CSGALNACT1: variants seen among roughly 807,000 people sequenced by gnomAD.
The protein encoded by CSGALNACT1 is beta4GalNAcT-1.
A neutral mutation model predicts 51.0 loss-of-function variants in CSGALNACT1; 52 were observed. The observed-to-expected ratio is 1.02, with a 90% CI of 0.82 to 1.29. The LOEUF (loss-of-function observed/expected upper bound fraction) is 1.29, where lower values mean the gene tolerates loss of function less well. Among genes scored for constraint, CSGALNACT1 ranks in the 50% most tolerant of loss-of-function variants. CSGALNACT1 has a pLI of 0.00. For synonymous variants in CSGALNACT1, 341 were observed against 254.4 expected (o/e 1.34, Z -3.24); for missense variants, 935 against 679.2 (o/e 1.38, Z -4.19).
At chr8:19,649,816 T>C (rs2057617378) in intron 1 of CSGALNACT1, among the ~76,000 whole-genome samples, 2 of 2,358 alleles carry the variant, frequency 8.5e-4, no homozygotes, top group Admixed American at 9.6e-3. Flanking sequence ...GCATTCCAAG[T>C]AGCAAAAAAA....
intron 1 of CSGALNACT1, among the ~76,000 whole-genome samples, chr8:19,637,810 C>T (rs553889529): frequency 5.3e-5 from 8 of 149,700 alleles, no homozygotes; most frequent in African/African-American, 7.4e-5. Flanking sequence ...ACTCGTTGTA[C>T]GAGAATGTTC....
chr8:19,756,084 C>T (rs1158062786), intron 1 of CSGALNACT1, among the ~76,000 whole-genome samples: 1 of 152,100 alleles, frequency 6.6e-6, no homozygotes, highest in African/African-American at 2.4e-5. Context: ...TTTGAAGGAC[C>T]TTTCTCCCTC....
intron 4 of CSGALNACT1, among the ~76,000 whole-genome samples, chr8:19,471,059 G>A (rs1039422058): frequency 1.3e-5 from 2 of 151,830 alleles, no homozygotes; most frequent in Non-Finnish European, 2.9e-5. Flanking sequence ...TCACACCACT[G>A]CACTCCAGCC....
At chr8:19,554,771 A>C (rs11780717) in intron 3 of CSGALNACT1, among the ~76,000 whole-genome samples, 3 of 152,098 alleles carry the variant, frequency 2.0e-5, no homozygotes, top group East Asian at 3.9e-4. Context: ...TACAAAAATT[A>C]GCTGGGTGTG....
At chr8:19,516,870 A>T (rs1440805034) in intron 3 of CSGALNACT1, among the ~76,000 whole-genome samples, 2 of 152,166 alleles carry the variant, frequency 1.3e-5, no homozygotes, top group African/African-American at 2.4e-5. Flanking sequence ...CGGCCACGGC[A>T]GTCTCAGTGG....
At chr8:19,592,379 T>C (rs1221428852) in intron 2 of CSGALNACT1, among the ~76,000 whole-genome samples, 1 of 152,206 alleles carries the variant, frequency 6.6e-6, no homozygotes, top group Non-Finnish European at 1.5e-5. Flanking sequence ...TATTCTCAAA[T>C]GGTTCAGATA....
intron 6 of CSGALNACT1, among the ~76,000 whole-genome samples, chr8:19,435,442 G>A (rs576092667): frequency 2.7e-5 from 4 of 150,598 alleles, no homozygotes; most frequent in African/African-American, 9.8e-5. Context: ...GCAGGGAGCC[G>A]AGACTGTGCC....
At chr8:19,409,700 C>G (rs756529064) in intron 8 of CSGALNACT1, among the ~76,000 whole-genome samples, 8 of 152,138 alleles carry the variant, frequency 5.3e-5, no homozygotes, top group Non-Finnish European at 1.0e-4. Flanking sequence ...CAGCAGGTTC[C>G]TCTTTCCCCA....
chr8:19,657,195 G>A (rs957171982), intron 1 of CSGALNACT1, among the ~76,000 whole-genome samples: 2 of 149,426 alleles, frequency 1.3e-5, no homozygotes, highest in Non-Finnish European at 3.0e-5. Flanking sequence ...TAGAGCTGTA[G>A]AAATCCAGAA....
intron 1 of CSGALNACT1, among the ~76,000 whole-genome samples, chr8:19,743,253 T>C (rs6586862): frequency 0.17 from 25,262 of 152,026 alleles, 2,225 homozygotes; most frequent in Middle Eastern, 0.3. Context: ...ACATGAAACG[T>C]ATGGAGTGGA....
At chr8:19,547,365 A>G (rs1016491449) in intron 3 of CSGALNACT1, among the ~76,000 whole-genome samples, 1 of 152,146 alleles carries the variant, frequency 6.6e-6, no homozygotes, top group Non-Finnish European at 1.5e-5. Context: ...TCCTCACTCA[A>G]TTCTCATCTT....
chr8:19,660,374 C>A (rs1036844377), intron 1 of CSGALNACT1, among the ~76,000 whole-genome samples: 1 of 152,192 alleles, frequency 6.6e-6, no homozygotes, highest in African/African-American at 2.4e-5. Context: ...GCCTTAATTT[C>A]TTCATCTGTA....
intron 3 of CSGALNACT1, among the ~76,000 whole-genome samples, chr8:19,583,849 A>G (rs1381303670): frequency 6.6e-6 from 1 of 152,190 alleles, no homozygotes; most frequent in Non-Finnish European, 1.5e-5. Flanking sequence ...TAATATTTCA[A>G]ATGCTTCCCA....
In CSGALNACT1 at chr8:19,418,651, C is replaced by G; in HGVS notation, c.1227+5G>C. 1 of 1,596,740 alleles carries G rather than the reference C, an allele frequency of 6.3e-7. No homozygotes were observed. The highest frequency in any genetic ancestry group is 1.1e-5 in the South Asian group (1 of 90,726). On this transcript the variant is annotated splice_donor_5th_base_variant and intron_variant, in intron 8 of 9. Transcript: ENST00000454498. ...CACAGAGCCATCTGCAGGGTAATTA[C>G]TCACCAGCTGCTGTTCCAAGGGAGG...
chr8:19,533,432 C>T (rs1295232138), intron 3 of CSGALNACT1, among the ~76,000 whole-genome samples: 1 of 151,894 alleles, frequency 6.6e-6, no homozygotes, highest in African/African-American at 2.4e-5. Flanking sequence ...TTTAATTTAT[C>T]CTAATTTAAT....
At chr8:19,475,308 T>G (rs565995682) in intron 4 of CSGALNACT1, among the ~76,000 whole-genome samples, 21 of 152,326 alleles carry the variant, frequency 1.4e-4, no homozygotes, top group African/African-American at 5.1e-4. Flanking sequence ...GAAGGCAGCC[T>G]GTGAGTCACA....
chr8:19,596,032 T>G (rs1439746795), intron 2 of CSGALNACT1, among the ~76,000 whole-genome samples: 2 of 151,994 alleles, frequency 1.3e-5, no homozygotes, highest in Non-Finnish European at 2.9e-5. Flanking sequence ...CCGAGCTAAT[T>G]TTTAAAAATA....
chr8:19,538,554 G>C (rs1420352013), intron 3 of CSGALNACT1, among the ~76,000 whole-genome samples: 1 of 152,130 alleles, frequency 6.6e-6, no homozygotes, highest in Non-Finnish European at 1.5e-5. Context: ...TAAAGGACTG[G>C]GTAATTTGCA....
intron 1 of CSGALNACT1, among the ~76,000 whole-genome samples, chr8:19,645,645 G>A (rs199878038): frequency 2.0e-5 from 3 of 152,256 alleles, no homozygotes; most frequent in Admixed American, 6.5e-5. Context: ...AATGGAAGCT[G>A]TAAGTCCATT....
Sources: allele counts gnomAD v4.1 joint callset (sites outside exome capture counted in the v4.1 genomes callset), GRCh38; gene constraint gnomAD v4.1.1; transcripts MANE v1.5; gene names NCBI Gene and HGNC (gene_info 2026-07-23, HGNC 2026-07-21).